Variants in PPP1R12A observed in about 807,000 individuals in gnomAD.
The protein encoded by PPP1R12A is myosin binding subunit.
In PPP1R12A, 19 loss-of-function variants were observed where a neutral mutation model predicts 139.6. The observed-to-expected ratio is 0.14, with a 90% CI of 0.09 to 0.20. The LOEUF (loss-of-function observed/expected upper bound fraction) is 0.20, where lower values mean the gene tolerates loss of function less well. Among genes scored for constraint, PPP1R12A ranks in the 10% least tolerant of loss-of-function variants. The pLI is 1.00. For synonymous variants in PPP1R12A, 427 were observed against 420.6 expected, an observed-to-expected ratio of 1.02 and a Z score of -0.19; for missense variants, 925 against 1,211.5, an observed-to-expected ratio of 0.76 and a Z score of 3.51.
At chr12:79,932,753 A>T (rs1392510497) in intron 1 of PPP1R12A, among the ~76,000 whole-genome samples, 2 of 152,220 alleles carry the variant, frequency 1.3e-5, no homozygotes, top group African/African-American at 2.4e-5. Context: ...AAAGATCTTA[A>T]GAAGGCAGTT....
intron 1 of PPP1R12A, among the ~76,000 whole-genome samples, chr12:79,932,255 A>G (rs1295441429): frequency 2.6e-5 from 4 of 152,160 alleles, no homozygotes; most frequent in African/African-American, 9.7e-5. Context: ...AGTTCAAGAG[A>G]TTTCTTAAAG....
intron 1 of PPP1R12A, among the ~76,000 whole-genome samples, chr12:79,889,128 T>C (rs547103499): frequency 5.9e-5 from 9 of 152,192 alleles, no homozygotes; most frequent in Non-Finnish European, 2.9e-5. Flanking sequence ...AAAGAACAAA[T>C]GTAAAACACG....
intron 1 of PPP1R12A, among the ~76,000 whole-genome samples, chr12:79,929,169 C>T (rs1888066053): frequency 6.6e-6 from 1 of 152,158 alleles, no homozygotes; most frequent in South Asian, 2.1e-4. Context: ...AAGCGCAGTT[C>T]ACAATAGGGT....
chr12:79,836,581 C>T (rs975344087), intron 3 of PPP1R12A, among the ~76,000 whole-genome samples: 2 of 152,126 alleles, frequency 1.3e-5, no homozygotes, highest in South Asian at 2.1e-4. Context: ...GTAAAGTTAA[C>T]GTGAAGGGCA....
chr12:79,810,180 C>G (rs1190323995), intron 9 of PPP1R12A, among the ~76,000 whole-genome samples, 170 bp from the exon 10 acceptor site: 1 of 152,038 alleles, frequency 6.6e-6, no homozygotes. Flanking sequence ...ATGTAAAGAT[C>G]TAAAAATTTT....
At chr12:79,785,817 A>G (rs912756116) in intron 22 of PPP1R12A, among the ~76,000 whole-genome samples, 11 of 152,154 alleles carry the variant, frequency 7.2e-5, no homozygotes, top group Non-Finnish European at 1.0e-4. Flanking sequence ...CTAATGTTCC[A>G]TGGAAATGGA....
intron 2 of PPP1R12A, among the ~76,000 whole-genome samples, chr12:79,864,905 AC>A (rs1881795571): frequency 6.6e-6 from 1 of 152,228 alleles, no homozygotes; most frequent in African/African-American, 2.4e-5. Flanking sequence ...AAGAGCTGGT[AC>A]CATTCCTTCT....
chr12:79,935,097 T>TGGGGC, upstream of PPP1R12A: 1 of 1,371,478 alleles, frequency 7.3e-7, no homozygotes. Flanking sequence ...CACAGAGCAC[T>TGGGGC]GGGGCGGCGC....
intron 2 of PPP1R12A, among the ~76,000 whole-genome samples, chr12:79,849,243 C>G (rs1489555683): frequency 2.0e-5 from 3 of 152,004 alleles, no homozygotes; most frequent in African/African-American, 7.3e-5. Flanking sequence ...AAAAAATTAG[C>G]TGGGTGTGGT....
chr12:79,883,649 A>G (rs1167874841), intron 1 of PPP1R12A, among the ~76,000 whole-genome samples: 1 of 152,182 alleles, frequency 6.6e-6, no homozygotes, highest in African/African-American at 2.4e-5. Flanking sequence ...GGAGCTGTGA[A>G]AATAAATGTG....
At chr12:79,892,850 T>C (rs1884783704) in intron 1 of PPP1R12A, among the ~76,000 whole-genome samples, 1 of 152,150 alleles carries the variant, frequency 6.6e-6, no homozygotes, top group Non-Finnish European at 1.5e-5. Context: ...ATCCCTATAA[T>C]CCCAGTACTT....
At chr12:79,837,047 A>G (rs1000455139) in intron 3 of PPP1R12A, among the ~76,000 whole-genome samples, 1 of 152,256 alleles carries the variant, frequency 6.6e-6, no homozygotes, top group African/African-American at 2.4e-5. Context: ...GGTGTTAATT[A>G]TCATTATCAG....
intron 1 of PPP1R12A, among the ~76,000 whole-genome samples, chr12:79,907,858 G>A (rs1002473514): frequency 1.2e-4 from 19 of 152,276 alleles, no homozygotes; most frequent in African/African-American, 4.6e-4. Context: ...TGATCCTGCT[G>A]CTGTACTCCA....
intron 1 of PPP1R12A, among the ~76,000 whole-genome samples, chr12:79,885,944 C>G (rs936368870): frequency 3.9e-5 from 6 of 152,120 alleles, no homozygotes; most frequent in African/African-American, 1.4e-4. Flanking sequence ...AATCCTCTTG[C>G]TTTGGCCTCC....
Position 79,781,840 on chromosome 12 carries a change from C to A in PPP1R12A, c.2930G>T (p.Arg977Ile), listed in dbSNP as rs368218767. Residue 977 changes from arginine to isoleucine, a missense_variant, in exon 23 of 25, where the codon AGA becomes ATA. By Grantham distance (97) the Arg-to-Ile change is moderately conservative. This residue lies in a region of PPP1R12A where 315 missense variants were observed against 363.4 expected (regional missense o/e 0.87). Transcript: ENST00000450142. ...ATQRQERFAD[R>I]SLLEMEKRER... ...CCTTTTTTCCATTTCCAACAGTGAT[C>A]TATCAGCAAATCTTTCTTGTCTCTG... The A allele has an allele frequency of 9.7e-6, 15 of 1,543,820 alleles. No homozygotes were observed. Among genetic ancestry groups the A allele is most frequent in the Non-Finnish European group, 1.3e-5 (15 of 1,141,346 alleles).
intron 21 of PPP1R12A, 88 bp downstream of exon 21, chr12:79,788,560 T>C: frequency 8.1e-7 from 1 of 1,228,056 alleles, no homozygotes; most frequent in Non-Finnish European, 1.1e-6. Context: ...AATACTCATT[T>C]CATTATGAGT....
chr12:79,930,996 A>C (rs1888212372), intron 1 of PPP1R12A, among the ~76,000 whole-genome samples: 1 of 152,206 alleles, frequency 6.6e-6, no homozygotes, highest in Non-Finnish European at 1.5e-5. Context: ...CAATGAGAAG[A>C]GTAGACTTGA....
At chr12:79,841,306 C>T (rs1457579947) in intron 3 of PPP1R12A, among the ~76,000 whole-genome samples, 1 of 152,168 alleles carries the variant, frequency 6.6e-6, no homozygotes, top group South Asian at 2.1e-4. Flanking sequence ...AGCCAACTCC[C>T]TCTAAATGTC....
chr12:79,818,452 A>G (rs1565757540), intron 8 of PPP1R12A, among the ~76,000 whole-genome samples: 1 of 152,130 alleles, frequency 6.6e-6, no homozygotes, highest in African/African-American at 2.4e-5. Context: ...CATGTTGCCC[A>G]GGCTGGTCTT....
Sources: allele counts gnomAD v4.1 joint callset (sites outside exome capture counted in the v4.1 genomes callset), GRCh38; gene constraint gnomAD v4.1.1; regional missense constraint gnomAD v4.1.1; transcripts MANE v1.5; gene names NCBI Gene and HGNC (gene_info 2026-07-23, HGNC 2026-07-21).